Variants in C8orf34 observed in about 807,000 individuals in gnomAD.
The protein encoded by C8orf34 is chromosome 8 open reading frame 34.
In C8orf34, 65 loss-of-function variants were observed where a neutral mutation model predicts 68.3. That is an observed-to-expected ratio of 0.95 (90% CI 0.78 to 1.17). The LOEUF (loss-of-function observed/expected upper bound fraction) is 1.17, where lower values mean the gene tolerates loss of function less well. Among genes scored for constraint, C8orf34 ranks in the 50% most tolerant of loss-of-function variants. The pLI, the probability that C8orf34 is intolerant of heterozygous loss-of-function variation, is 0.00. For missense variants in C8orf34, 664 were observed against 655.4 expected (o/e 1.01, Z -0.14); for synonymous variants, 244 against 241.2 (o/e 1.01, Z -0.11).
intron 1 of C8orf34, among the ~76,000 whole-genome samples, chr8:68,408,608 T>C (rs1809304798): frequency 6.6e-6 from 1 of 152,142 alleles, no homozygotes; most frequent in African/African-American, 2.4e-5. Flanking sequence ...CATTCATAAA[T>C]TGTCATGCAC....
chr8:68,367,912 GAAAAAAAAAAAAAAAAAA>G (rs61562318), intron 1 of C8orf34, among the ~76,000 whole-genome samples: 1 of 79,116 alleles, frequency 1.3e-5, no homozygotes, highest in Non-Finnish European at 2.3e-5. Context: ...AAAAAGAAAA[GAAAAAAAAAAAAAAAAAA>G]AAAAAAAGAA....
rs144523481 is a variant in C8orf34, at chr8:68,445,110, T to C, written c.476-1219T>C. On this transcript the variant is annotated intron_variant, in intron 2 of 13. Coordinates refer to ENST00000518698, the MANE Select transcript of C8orf34 (RefSeq NM_052958.4). ...AGCAGACCGTGGACAAATATTTATG[T>C]TCCTAATGCTTTAGAATTTTCATGC... is the stretch of plus-strand genomic sequence containing the variant. Among the ~76,000 whole-genome samples the C allele has an allele frequency of 2.1e-3, 327 of 152,326 alleles. 1 individual carries two copies. Among genetic ancestry groups the C allele is most frequent in the African/African-American group, 7.1e-3 (294 of 41,580 alleles).
At chr8:68,417,339 C>CCATA (rs1809717491) in intron 1 of C8orf34, among the ~76,000 whole-genome samples, 1 of 151,906 alleles carries the variant, frequency 6.6e-6, no homozygotes, top group South Asian at 2.1e-4. Flanking sequence ...GCAAAATGGA[C>CCATA]CATATATTGC....
intron 7 of C8orf34, among the ~76,000 whole-genome samples, chr8:68,540,135 AT>A (rs558144202): frequency 9.2e-5 from 14 of 152,090 alleles, no homozygotes; most frequent in East Asian, 1.9e-4. Context: ...AATATTAAAT[AT>A]TTTTTTAAAT....
chr8:68,471,390 T>C (rs1276674285), intron 4 of C8orf34, among the ~76,000 whole-genome samples: 1 of 152,186 alleles, frequency 6.6e-6, no homozygotes, highest in Admixed American at 6.5e-5. Flanking sequence ...ACTACCAAGT[T>C]ATCAACATGC....
At chr8:68,650,565 C>T (rs62520962) in intron 8 of C8orf34, among the ~76,000 whole-genome samples, 27,054 of 149,796 alleles carry the variant, frequency 0.18, 2,940 homozygotes, top group East Asian at 0.55. Flanking sequence ...CTGCAAGCTC[C>T]GCCTCCCGGG....
chr8:68,627,316 C>T (rs1343683508), intron 7 of C8orf34, among the ~76,000 whole-genome samples: 3 of 152,030 alleles, frequency 2.0e-5, no homozygotes, highest in Non-Finnish European at 4.4e-5. Context: ...AAATCTGGTC[C>T]CTGAGACAAC....
intron 7 of C8orf34, among the ~76,000 whole-genome samples, chr8:68,580,066 T>C (rs2130339025): frequency 6.6e-6 from 1 of 152,212 alleles, no homozygotes; most frequent in South Asian, 2.1e-4. Context: ...TGCAAATTCA[T>C]AGTAAGGACA....
At chr8:68,541,479 A>G (rs1334089991) in intron 7 of C8orf34, among the ~76,000 whole-genome samples, 1 of 152,114 alleles carries the variant, frequency 6.6e-6, no homozygotes, top group African/African-American at 2.4e-5. Context: ...AAGAAAAAAA[A>G]AAGAAGAATT....
intron 12 of C8orf34, among the ~76,000 whole-genome samples, chr8:68,811,152 C>T (rs1468938907): frequency 1.3e-5 from 2 of 152,226 alleles, no homozygotes; most frequent in African/African-American, 4.8e-5. Flanking sequence ...TTCTCCCGTG[C>T]TTGTCGGTGC....
At chr8:68,356,835 G>T (rs1293555000) in intron 1 of C8orf34, among the ~76,000 whole-genome samples, 1 of 152,022 alleles carries the variant, frequency 6.6e-6, no homozygotes, top group Non-Finnish European at 1.5e-5. Context: ...ATATAAAAAA[G>T]ATTCCTTTTG....
In C8orf34 at chr8:68,533,003, A is replaced by G. The variant is rs1160211609; in HGVS notation, c.959A>G (p.Asn320Ser). Residue 320 changes from asparagine to serine, a missense_variant, in exon 7 of 14, where the codon AAC (asparagine) becomes AGC (serine). Transcript: ENST00000518698. ...TTCAGCTTAAAGATGGAGCCTAAGA[A>G]CAAAGGATTAAAACAGCAGCAACAG... ...PAGSLKMEPK[N>S]KGLKQQQQQH... 6.2e-7 allele frequency: 1 copy of G among 1,600,450 alleles called. No homozygotes were observed. The highest frequency in any genetic ancestry group is 1.1e-5 in the South Asian group (1 of 88,802).
At chr8:68,521,740 T>G in intron 5 of C8orf34, 59 bp from the exon 6 acceptor site, 1 of 1,462,720 alleles carries the variant, frequency 6.8e-7, no homozygotes, top group Non-Finnish European at 9.3e-7. Context: ...TTTATTTCCC[T>G]GTTGTCCTGT....
intron 11 of C8orf34, among the ~76,000 whole-genome samples, chr8:68,784,977 A>C (rs537458002): frequency 1.3e-5 from 2 of 152,226 alleles, no homozygotes; most frequent in African/African-American, 4.8e-5. Context: ...TTGGGGTCGT[A>C]GGTGTGTTAA....
intron 5 of C8orf34, among the ~76,000 whole-genome samples, chr8:68,512,785 CAA>C (rs112918287): frequency 3.7e-5 from 5 of 136,170 alleles, no homozygotes; most frequent in Admixed American, 7.4e-5. Flanking sequence ...AACCTTTTAC[CAA>C]AAAAAAAAAA....
At chr8:68,697,896 G>A (rs1820881642) in intron 8 of C8orf34, among the ~76,000 whole-genome samples, 1 of 152,064 alleles carries the variant, frequency 6.6e-6, no homozygotes, top group East Asian at 1.9e-4. Context: ...GTTTGTTGGT[G>A]TTGCACGACA....
chr8:68,570,943 A>C (rs185697764), intron 7 of C8orf34, among the ~76,000 whole-genome samples: 7 of 152,342 alleles, frequency 4.6e-5, no homozygotes, highest in African/African-American at 1.7e-4. Context: ...TGGTACAGAC[A>C]CTTGGAGTAA....
At chr8:68,541,237 A>G (rs183994180) in intron 7 of C8orf34, among the ~76,000 whole-genome samples, 66 of 152,162 alleles carry the variant, frequency 4.3e-4, no homozygotes, top group African/African-American at 1.5e-3. Flanking sequence ...CATAGGTGGG[A>G]TGATTGCTTG....
chr8:68,434,984 G>C (rs1301911872), intron 1 of C8orf34, among the ~76,000 whole-genome samples: 2 of 151,738 alleles, frequency 1.3e-5, no homozygotes, highest in East Asian at 3.9e-4. Flanking sequence ...AGGAAGCAGA[G>C]GTTTGCAGTG....
Sources: gnomAD v4.1 joint callset for allele counts (sites outside exome capture counted in the v4.1 genomes callset) on GRCh38, gnomAD v4.1.1 for gene constraint, MANE v1.5 for transcripts, NCBI Gene and HGNC (gene_info 2026-07-23, HGNC 2026-07-21) for gene names.